The following ADAMTS17 variants were observed in gnomAD, a reference collection of about 807,000 sequenced individuals.
ADAMTS17 encodes the protein A disintegrin and metalloproteinase with thrombospondin motifs 17.
A neutral mutation model predicts 141.5 loss-of-function variants in ADAMTS17; 113 were observed. The ratio of observed to expected loss-of-function variants is 0.80; its 90% confidence interval spans 0.69 to 0.93. The LOEUF is 0.93. Among genes scored for constraint, ADAMTS17 ranks in the 40% least tolerant of loss-of-function variants. ADAMTS17 has a pLI of 0.00. For missense variants in ADAMTS17, 1,659 were observed against 1,517.9 expected, an observed-to-expected ratio of 1.09 and a Z score of -1.54; for synonymous variants, 768 against 630.6, an observed-to-expected ratio of 1.22 and a Z score of -3.27.
At chr15:100,117,090 CA>C (rs2037184510) in intron 12 of ADAMTS17, 77 bp from the exon 13 acceptor site, 4 of 1,517,816 alleles carry the variant, frequency 2.6e-6, no homozygotes, top group East Asian at 2.4e-5. Flanking sequence ...TCTCTCTTGC[CA>C]GGGGGAGGAG....
chr15:100,087,706 T>C (rs530621504), intron 15 of ADAMTS17, among the ~76,000 whole-genome samples: 30 of 152,118 alleles, frequency 2.0e-4, no homozygotes, highest in Non-Finnish European at 3.8e-4. Flanking sequence ...AGAAACGTAA[T>C]CCAGCATATA....
chr15:100,134,552 G>A (rs2038227109), intron 10 of ADAMTS17, among the ~76,000 whole-genome samples: 1 of 152,208 alleles, frequency 6.6e-6, no homozygotes, highest in Non-Finnish European at 1.5e-5. Flanking sequence ...GTGCAGGGTG[G>A]TCACCGTGTG....
At chr15:100,298,974 C>A (rs983885412) in intron 3 of ADAMTS17, among the ~76,000 whole-genome samples, 1 of 152,208 alleles carries the variant, frequency 6.6e-6, no homozygotes, top group Admixed American at 6.5e-5. Flanking sequence ...CTCTCCTTTG[C>A]TTGTAGGTGG....
rs113995303 is a variant in ADAMTS17, at chr15:99,988,063, G to A, written c.2949+4985C>T. 9.1e-3 allele frequency among the ~76,000 whole-genome samples: 1,380 copies of A among 152,100 alleles called. 24 individuals carry two copies. Among genetic ancestry groups the A allele is most frequent in the African/African-American group, 0.032 (1,311 of 41,496 alleles). On this transcript the variant is annotated intron_variant, in intron 20 of 21. Transcript: ENST00000268070. ...AGCCTCAGGCTCAGGCTCTGGCTGG[G>A]GGCCCTTGCTAAGACCTCTCCATAA...
intron 8 of ADAMTS17, among the ~76,000 whole-genome samples, chr15:100,172,313 T>C (rs1417794511): frequency 6.6e-6 from 1 of 152,196 alleles, no homozygotes; most frequent in Non-Finnish European, 1.5e-5. Context: ...GTGATTCTCA[T>C]GTCTATTGTT....
At chr15:100,050,182 C>G (rs1284176849) in intron 17 of ADAMTS17, among the ~76,000 whole-genome samples, 2 of 152,192 alleles carry the variant, frequency 1.3e-5, no homozygotes, top group Non-Finnish European at 2.9e-5. Context: ...GGTGGCAGGT[C>G]TGACCACTGT....
chr15:99,972,813 T>C lies in ADAMTS17; in HGVS notation c.*1589A>G, dbSNP rs1347076562. ...CAAAAACACAGCTCGTAAGACAGGGTGGAGAAGGCAGAGAGGCTTCTTTCT... is the reference window on the plus strand; with the variant it reads ...CAAAAACACAGCTCGTAAGACAGGGCGGAGAAGGCAGAGAGGCTTCTTTCT... On this transcript the variant is annotated 3_prime_UTR_variant, in exon 22 of 22. Coordinates refer to ENST00000268070, the MANE Select transcript of ADAMTS17 (RefSeq NM_139057.4). 1.3e-5 allele frequency: 2 copies of C among 152,050 alleles called. No individual in the cohort carries two copies. Among genetic ancestry groups the C allele is most frequent in the Non-Finnish European group, 2.9e-5 (2 of 67,994 alleles). The allele number at this position is 152,050 out of a possible 1,614,324, so 9.4% of individuals were successfully genotyped here.
At chr15:100,323,161 CAATT>C (rs1262226488) in intron 3 of ADAMTS17, among the ~76,000 whole-genome samples, 1 of 140,680 alleles carries the variant, frequency 7.1e-6, no homozygotes, top group Admixed American at 6.8e-5. Flanking sequence ...AATAAAAATT[CAATT>C]AATTTATAGC....
chr15:100,177,674 T>C (rs2040384157), intron 8 of ADAMTS17, among the ~76,000 whole-genome samples: 1 of 152,212 alleles, frequency 6.6e-6, no homozygotes, highest in African/African-American at 2.4e-5. Context: ...GGTTGATGTT[T>C]GGTTCTATAT....
At chr15:100,028,070 A>T (rs962277040) in intron 18 of ADAMTS17, among the ~76,000 whole-genome samples, 20 of 152,188 alleles carry the variant, frequency 1.3e-4, no homozygotes, top group Non-Finnish European at 8.8e-5. Context: ...TAGGAACTGT[A>T]GTGCCTGGGT....
chr15:100,155,853 G>A (rs951983038), intron 8 of ADAMTS17, among the ~76,000 whole-genome samples: 1 of 152,160 alleles, frequency 6.6e-6, no homozygotes, highest in Admixed American at 6.5e-5. Flanking sequence ...TCCCTATTCA[G>A]CTATACCTGA....
chr15:100,159,485 G>T (rs761433273), intron 8 of ADAMTS17, among the ~76,000 whole-genome samples: 22 of 152,148 alleles, frequency 1.4e-4, no homozygotes, highest in African/African-American at 5.3e-4. Flanking sequence ...TTTGACTTAG[G>T]GTTTGATTTT....
intron 4 of ADAMTS17, among the ~76,000 whole-genome samples, chr15:100,270,540 A>G (rs963011887): frequency 1.3e-5 from 2 of 152,064 alleles, no homozygotes; most frequent in Non-Finnish European, 1.5e-5. Context: ...CTGTGACTTC[A>G]GCACTGAATC....
At chr15:100,193,611 C>T (rs1170499607) in intron 8 of ADAMTS17, among the ~76,000 whole-genome samples, 2 of 152,184 alleles carry the variant, frequency 1.3e-5, no homozygotes, top group Non-Finnish European at 2.9e-5. Context: ...GAGCTTCCTC[C>T]CCGAGAGTGA....
chr15:100,020,458 G>C (rs1056086406), intron 18 of ADAMTS17, among the ~76,000 whole-genome samples: 6 of 152,098 alleles, frequency 3.9e-5, no homozygotes, highest in Non-Finnish European at 7.4e-5. Flanking sequence ...GCAGCTTTAC[G>C]AGCAAGGGAA....
Position 99,993,741 on chromosome 15 carries a change from G to A in ADAMTS17, c.2797-541C>T, listed in dbSNP as rs555276134. On this transcript the variant is annotated intron_variant, in intron 19 of 21. Coordinates refer to ENST00000268070, the MANE Select transcript of ADAMTS17 (RefSeq NM_139057.4). The surrounding 1 kb of genome is among the most constrained non-coding windows in gnomAD (Gnocchi z 4.3). ...AGGAAAAGCCACAGATGACTTTCTC[G>A]TGAGGCAGGTGGAAAGCCTTTGCAG... Among the ~76,000 whole-genome samples the A allele has an allele frequency of 7.2e-5, 11 of 152,320 alleles. No homozygotes were observed. Among genetic ancestry groups the A allele is most frequent in the South Asian group, 4.1e-4 (2 of 4,822 alleles).
At chr15:100,048,715 A>G in intron 18 of ADAMTS17, 142 bp downstream of exon 18, 1 of 1,305,516 alleles carries the variant, frequency 7.7e-7, no homozygotes, top group Non-Finnish European at 1.1e-6. Context: ...TGGTAATTTG[A>G]GCAAGCGGAA....
At chr15:100,137,338 C>CT in intron 10 of ADAMTS17, among the ~76,000 whole-genome samples, 1 of 152,296 alleles carries the variant, frequency 6.6e-6, no homozygotes, top group Admixed American at 6.5e-5. Flanking sequence ...ACATCAATGT[C>CT]TTTATCTTTT....
intron 10 of ADAMTS17, among the ~76,000 whole-genome samples, chr15:100,139,779 G>C (rs752421464): frequency 6.6e-6 from 1 of 152,120 alleles, no homozygotes; most frequent in African/African-American, 2.4e-5. Flanking sequence ...CTTCAAAAGC[G>C]TCAAGGTCAT....
Sources: gnomAD v4.1 joint callset for allele counts (sites outside exome capture counted in the v4.1 genomes callset) on GRCh38, gnomAD v4.1.1 for gene constraint, Gnocchi (gnomAD v3.1) non-coding constraint, MANE v1.5 for transcripts, NCBI Gene and HGNC (gene_info 2026-07-23, HGNC 2026-07-21) for gene names.